ADCY10: variants seen among roughly 807,000 people sequenced by gnomAD.
ADCY10 encodes the protein adenylate cyclase 10.
Under a neutral mutation model 183.3 loss-of-function variants are expected in ADCY10, and 156 were observed. That is an observed-to-expected ratio of 0.85 (90% confidence interval 0.75 to 0.97). The LOEUF (loss-of-function observed/expected upper bound fraction) is 0.97. Ranked by LOEUF, ADCY10 falls within the 50% of genes least tolerant of loss-of-function variation. The pLI, the probability that ADCY10 is intolerant of heterozygous loss-of-function variation, is 0.00. For synonymous variants in ADCY10, 645 were observed against 670.0 expected (o/e 0.96, Z 0.58); for missense variants, 1,745 against 1,934.3 (o/e 0.90, Z 1.84).
intron 7 of ADCY10, among the ~76,000 whole-genome samples, chr1:167,894,913 G>A (rs1422792583): frequency 6.6e-6 from 1 of 152,112 alleles, no homozygotes; most frequent in African/African-American, 2.4e-5. Context: ...GGCCGAGCAC[G>A]GTGGCTCACA....
At chr1:167,842,591 C>CAAA (rs11306764) in intron 21 of ADCY10, among the ~76,000 whole-genome samples, 2 of 146,374 alleles carry the variant, frequency 1.4e-5, no homozygotes, top group Admixed American at 6.8e-5. Context: ...GAAGACACTG[C>CAAA]AAAAAAAAAA....
rs370390248 is a variant in ADCY10 at position 167,848,837 on chromosome 1, A to C, written c.2309-348T>G. ...CTAATTTCTGTAGAGATGAGGTTTC[A>C]CCATGTTGGCCAGGCTGTTCTCAAA... On this transcript the variant is annotated intron_variant, in intron 18 of 32. Coordinates refer to ENST00000367851, the MANE Select transcript of ADCY10 (RefSeq NM_018417.6). Among the ~76,000 whole-genome samples the C allele has an allele frequency of 5.3e-5, 8 of 151,848 alleles. 1 individual carries two copies. The highest frequency in any genetic ancestry group is 3.9e-4 in the East Asian group (2 of 5,158).
At chr1:167,831,155 T>TAA (rs779277384) in intron 25 of ADCY10, among the ~76,000 whole-genome samples, 1 of 152,134 alleles carries the variant, frequency 6.6e-6, no homozygotes, top group Non-Finnish European at 1.5e-5. Flanking sequence ...TGATTTTTTT[T>TAA]AAAGGTTCTT....
At chr1:167,810,071 C>CTAGG (rs1337409895) in intron 32 of ADCY10, among the ~76,000 whole-genome samples, 2 of 152,142 alleles carry the variant, frequency 1.3e-5, no homozygotes, top group African/African-American at 2.4e-5. Flanking sequence ...GGGCTCTGTG[C>CTAGG]TAGGCACTAA....
intron 1 of ADCY10, among the ~76,000 whole-genome samples, chr1:167,912,051 A>G (rs771602361): frequency 1.8e-4 from 27 of 152,230 alleles, no homozygotes; most frequent in Non-Finnish European, 2.8e-4. Context: ...ATTTTTGAAG[A>G]TATAGTTTTC....
intron 31 of ADCY10, among the ~76,000 whole-genome samples, chr1:167,815,116 C>A (rs1662449138): frequency 6.6e-6 from 1 of 152,006 alleles, no homozygotes; most frequent in African/African-American, 2.4e-5. Flanking sequence ...CAGAGTGAGA[C>A]TCTGTCTCCA....
At chr1:167,890,433 C>A (rs1000869349) in intron 8 of ADCY10, among the ~76,000 whole-genome samples, 15 of 152,168 alleles carry the variant, frequency 9.9e-5, no homozygotes, top group Non-Finnish European at 7.3e-5. Context: ...CTGTGCTGAG[C>A]TGCTTGGAGC....
intron 14 of ADCY10, among the ~76,000 whole-genome samples, chr1:167,861,962 TC>T (rs745635189): frequency 6.6e-6 from 1 of 152,214 alleles, no homozygotes. Context: ...ATGCCTTGCT[TC>T]CCCTTTGCCT....
At chr1:167,866,663 A>T (rs976641344) in intron 14 of ADCY10, among the ~76,000 whole-genome samples, 2 of 152,204 alleles carry the variant, frequency 1.3e-5, no homozygotes, top group African/African-American at 4.8e-5. Context: ...AAAGTTTGCT[A>T]AAAGTTAACA....
chr1:167,816,564 A>G (rs779922338), intron 31 of ADCY10, among the ~76,000 whole-genome samples: 1 of 152,140 alleles, frequency 6.6e-6, no homozygotes. Context: ...GAGAAAAACA[A>G]AAAGTTTTAA....
intron 17 of ADCY10, among the ~76,000 whole-genome samples, chr1:167,855,634 A>G (rs1442891233): frequency 6.6e-6 from 1 of 152,232 alleles, no homozygotes; most frequent in Non-Finnish European, 1.5e-5. Context: ...TTCACTAAGC[A>G]AAGTTTAAGA....
At chr1:167,887,977 T>C (rs1668346094) in intron 8 of ADCY10, among the ~76,000 whole-genome samples, 1 of 152,068 alleles carries the variant, frequency 6.6e-6, no homozygotes, top group African/African-American at 2.4e-5. Context: ...GAGATAGGAG[T>C]CTAGTTTCAT....
intron 1 of ADCY10, among the ~76,000 whole-genome samples, chr1:167,910,778 G>A (rs557625214): frequency 6.6e-6 from 1 of 152,208 alleles, no homozygotes; most frequent in East Asian, 1.9e-4. Flanking sequence ...AACTGAGCAG[G>A]GCGTAGCTCT....
intron 8 of ADCY10, among the ~76,000 whole-genome samples, chr1:167,884,039 G>A (rs190364841): frequency 9.9e-5 from 15 of 152,232 alleles, no homozygotes; most frequent in Non-Finnish European, 1.6e-4. Flanking sequence ...CATGCAATGC[G>A]TAATAATCAC....
chr1:167,839,912 T>A (rs1664487741), intron 21 of ADCY10, among the ~76,000 whole-genome samples: 1 of 152,162 alleles, frequency 6.6e-6, no homozygotes. Context: ...ATTCTATGTA[T>A]TTTTTATGTT....
At chr1:167,912,924 A>T (rs1670242649) in intron 1 of ADCY10, among the ~76,000 whole-genome samples, 1 of 152,236 alleles carries the variant, frequency 6.6e-6, no homozygotes, top group Non-Finnish European at 1.5e-5. Flanking sequence ...AAGCTGGAAT[A>T]TCCAGGTCTG....
intron 26 of ADCY10, among the ~76,000 whole-genome samples, chr1:167,827,660 C>T (rs923135331): frequency 2.6e-5 from 4 of 151,762 alleles, no homozygotes; most frequent in South Asian, 2.1e-4. Context: ...TTTTCAGAGA[C>T]CACATGAGGT....
intron 1 of ADCY10, among the ~76,000 whole-genome samples, chr1:167,909,453 G>A (rs564496187): frequency 6.6e-6 from 1 of 152,292 alleles, no homozygotes; most frequent in South Asian, 2.1e-4. Context: ...GTACAGGCTT[G>A]TCCAAGCTAT....
In ADCY10 at chr1:167,856,370, A is replaced by G; in HGVS notation, c.1966T>C (p.Phe656Leu). ...AGAGTCCGGATAAGCTTCTCCATAA[A>G]TCTCCAGGAGGTCGAATCCACAAAC... Reference protein sequence around the residue: ...AQFVDSTSWRFMEKLIRTLPI... With the variant: ...AQFVDSTSWRLMEKLIRTLPI... The change falls in exon 17 of 33, where the codon TTT becomes CTT. Residue 656 changes from phenylalanine (F) to leucine (L), a missense_variant. By Grantham distance (22) the Phe-to-Leu change is conservative. Coordinates refer to ENST00000367851, the MANE Select transcript of ADCY10 (RefSeq NM_018417.6). 3 of 1,614,120 alleles carry G rather than the reference A, an allele frequency of 1.9e-6. No individual in the cohort carries two copies. The highest frequency in any genetic ancestry group is 2.5e-6 in the Non-Finnish European group (3 of 1,180,002).
Sources: gnomAD v4.1 joint callset for allele counts (sites outside exome capture counted in the v4.1 genomes callset) on GRCh38, gnomAD v4.1.1 for gene constraint, MANE v1.5 for transcripts, NCBI Gene and HGNC (gene_info 2026-07-23, HGNC 2026-07-21) for gene names.